Variants in SLC25A48 observed in about 807,000 individuals in gnomAD.
The protein encoded by SLC25A48 is solute carrier family 25 member 48.
In SLC25A48, 29 loss-of-function variants were observed where a neutral mutation model predicts 32.2. The ratio of observed to expected loss-of-function variants is 0.90; its 90% CI spans 0.67 to 1.23. The LOEUF (loss-of-function observed/expected upper bound fraction) is 1.23. Among genes scored for constraint, SLC25A48 ranks in the 50% most tolerant of loss-of-function variants. The probability of loss-of-function intolerance (pLI) is 0.00; values close to 1 mark genes in which losing one functional copy is unlikely to be tolerated. For missense variants in SLC25A48, 399 were observed against 422.7 expected, an observed-to-expected ratio of 0.94 and a Z score of 0.49; for synonymous variants, 164 against 172.3, an observed-to-expected ratio of 0.95 and a Z score of 0.38.
chr5:135,734,800 G>C (rs1028293419), intron 3 of SLC25A48, among the ~76,000 whole-genome samples: 1 of 138,312 alleles, frequency 7.2e-6, no homozygotes, highest in African/African-American at 2.7e-5. Context: ...CTGGGCGACA[G>C]AGCAAGACTG....
In SLC25A48 at chr5:135,731,088, C is replaced by T. The variant is rs1013482907; in HGVS notation, c.-520-81435C>T. Reference sequence around the variant, plus strand: ...CACCTGGGTGCAGGTGGGCTGAGTCCGAAAAGAGAGTCAGTGAAGGGAGAT... The same window carrying T: ...CACCTGGGTGCAGGTGGGCTGAGTCTGAAAAGAGAGTCAGTGAAGGGAGAT... On this transcript the variant is annotated intron_variant, in intron 3 of 10. Transcript: ENST00000646290. 2.0e-5 allele frequency among the ~76,000 whole-genome samples: 3 copies of T among 151,644 alleles called. 1 individual carries two copies. Among genetic ancestry groups the T allele is most frequent in the South Asian group, 4.2e-4 (2 of 4,792 alleles).
chr5:135,729,395 T>G (rs552790773), intron 3 of SLC25A48, among the ~76,000 whole-genome samples: 1 of 152,302 alleles, frequency 6.6e-6, no homozygotes, highest in South Asian at 2.1e-4. Context: ...ATAATTTGCT[T>G]GACTTTCTAG....
chr5:135,719,184 A>G (rs1454530646), intron 3 of SLC25A48, among the ~76,000 whole-genome samples: 1 of 152,250 alleles, frequency 6.6e-6, no homozygotes, highest in Non-Finnish European at 1.5e-5. Context: ...GCTAACTCTA[A>G]AAATAGAAAT....
intron 3 of SLC25A48, 67 bp downstream of exon 3, chr5:135,850,563 C>A: frequency 6.7e-7 from 1 of 1,487,284 alleles, no homozygotes; most frequent in Non-Finnish European, 9.4e-7. Context: ...ACCAGGGCCA[C>A]AGCCCCACAC....
At chr5:135,684,503 T>TG (rs1753973184) in intron 3 of SLC25A48, among the ~76,000 whole-genome samples, 1 of 152,120 alleles carries the variant, frequency 6.6e-6, no homozygotes, top group Non-Finnish European at 1.5e-5. Flanking sequence ...ACCAGCTCTG[T>TG]GGGGAGCTAG....
At chr5:135,591,059 G>T (rs17168702) in intron 1 of SLC25A48, among the ~76,000 whole-genome samples, 2 of 152,068 alleles carry the variant, frequency 1.3e-5, no homozygotes, top group Non-Finnish European at 1.5e-5. Context: ...GAGCCTCCAG[G>T]GTATCTGGGT....
At chr5:135,777,461 C>G (rs79328403) in intron 3 of SLC25A48, among the ~76,000 whole-genome samples, 2,364 of 151,388 alleles carry the variant, frequency 0.016, 47 homozygotes, top group African/African-American at 0.044. Context: ...GTGTACATCC[C>G]CCCTGTGATA....
At chr5:135,610,100 A>T (rs1752030353) in intron 1 of SLC25A48, among the ~76,000 whole-genome samples, 1 of 152,296 alleles carries the variant, frequency 6.6e-6, no homozygotes, top group East Asian at 1.9e-4. Flanking sequence ...TGCCAGGAAA[A>T]CAAGCCAGGT....
intron 3 of SLC25A48, among the ~76,000 whole-genome samples, chr5:135,725,990 G>A (rs1580817165): frequency 1.3e-5 from 2 of 152,162 alleles, no homozygotes; most frequent in African/African-American, 2.4e-5. Flanking sequence ...GACAAGCTGC[G>A]CCTACTTATT....
chr5:135,690,009 TG>T (rs1754107185), intron 3 of SLC25A48, among the ~76,000 whole-genome samples: 1 of 152,086 alleles, frequency 6.6e-6, no homozygotes, highest in South Asian at 2.1e-4. Flanking sequence ...AGCACTTATT[TG>T]GGTCAGCCAG....
At chr5:135,733,336 C>T (rs971652311) in intron 3 of SLC25A48, among the ~76,000 whole-genome samples, 8 of 151,980 alleles carry the variant, frequency 5.3e-5, no homozygotes, top group South Asian at 2.1e-4. Flanking sequence ...ATGGGGTGAA[C>T]GTCAGGTGGA....
intron 3 of SLC25A48, among the ~76,000 whole-genome samples, chr5:135,700,472 C>T (rs1421448948): frequency 6.7e-6 from 1 of 149,536 alleles, no homozygotes; most frequent in African/African-American, 2.5e-5. Context: ...GCCTGCTAAA[C>T]ATCAAACGCT....
rs1756781671 is a variant in SLC25A48 at position 135,784,076 on chromosome 5, G to T, written c.-520-28447G>T. On this transcript the variant is annotated intron_variant, in intron 3 of 10. Transcript: ENST00000646290. ...GATATTCCTGTCAATATCGCAGGAGGTGTACACCCCACCTGTGATGTTGTT... is the reference window on the plus strand; with the variant it reads ...GATATTCCTGTCAATATCGCAGGAGTTGTACACCCCACCTGTGATGTTGTT... 1.7e-5 allele frequency among the ~76,000 whole-genome samples: 2 copies of T among 117,838 alleles called. 1 individual carries two copies. The highest frequency in any genetic ancestry group is 6.0e-4 in the South Asian group (2 of 3,342). 77.3% of individuals were successfully genotyped at this position (117,838 alleles called of 152,430 possible).
At chr5:135,717,951 C>T (rs1425258064) in intron 3 of SLC25A48, among the ~76,000 whole-genome samples, 6 of 152,210 alleles carry the variant, frequency 3.9e-5, no homozygotes, top group South Asian at 2.1e-4. Flanking sequence ...CATATGGCCA[C>T]GTAAGTCAAA....
At chr5:135,721,409 G>A (rs1210604482) in intron 3 of SLC25A48, among the ~76,000 whole-genome samples, 1 of 151,710 alleles carries the variant, frequency 6.6e-6, no homozygotes, top group African/African-American at 2.4e-5. Context: ...TCCCATGTTG[G>A]CCAGGCTGGT....
chr5:135,790,262 C>T (rs896474418), intron 3 of SLC25A48, among the ~76,000 whole-genome samples: 11 of 151,406 alleles, frequency 7.3e-5, no homozygotes, highest in African/African-American at 2.2e-4. Context: ...TGGGGTTTTA[C>T]GTACTATCAT....
chr5:135,836,297 T>G (rs1326921501), intron 1 of SLC25A48, among the ~76,000 whole-genome samples: 1 of 151,510 alleles, frequency 6.6e-6, no homozygotes, highest in Non-Finnish European at 1.5e-5. Flanking sequence ...CTTACTTTGG[T>G]GATGTTATTG....
chr5:135,789,782 G>A (rs994844087), intron 3 of SLC25A48, among the ~76,000 whole-genome samples: 4 of 151,934 alleles, frequency 2.6e-5, no homozygotes, highest in Admixed American at 6.6e-5. Context: ...TGCGATATGG[G>A]GAGTAAAATC....
At chr5:135,806,908 CAT>C (rs984942368) in intron 3 of SLC25A48, among the ~76,000 whole-genome samples, 1 of 149,686 alleles carries the variant, frequency 6.7e-6, no homozygotes, top group Non-Finnish European at 1.5e-5. Flanking sequence ...TTATGAATGT[CAT>C]TGATATTTTA....
Sources: allele counts gnomAD v4.1 joint callset (sites outside exome capture counted in the v4.1 genomes callset), GRCh38; gene constraint gnomAD v4.1.1; transcripts MANE v1.5; gene names NCBI Gene and HGNC (gene_info 2026-07-23, HGNC 2026-07-21).